The following UBA3 variants were observed in gnomAD, a reference collection of about 807,000 sequenced individuals.
The protein encoded by UBA3 is ubiquitin like modifier activating enzyme 3.
Under a neutral mutation model 73.5 loss-of-function variants are expected in UBA3, and 26 were observed. The ratio of observed to expected loss-of-function variants is 0.35; its 90% CI spans 0.26 to 0.49. The LOEUF (loss-of-function observed/expected upper bound fraction) is 0.49, where lower values mean the gene tolerates loss of function less well. Among genes scored for constraint, UBA3 ranks in the 20% least tolerant of loss-of-function variants. UBA3 has a pLI of 0.98. For missense variants in UBA3, 495 were observed against 555.6 expected, an observed-to-expected ratio of 0.89 and a Z score of 1.10; for synonymous variants, 217 against 191.2, an observed-to-expected ratio of 1.13 and a Z score of -1.11.
intron 6 of UBA3, among the ~76,000 whole-genome samples, chr3:69,065,984 G>T (rs899595438): frequency 7.9e-5 from 12 of 151,362 alleles, no homozygotes; most frequent in African/African-American, 2.9e-4. Flanking sequence ...TGAGTTTTTA[G>T]AGTTCATTAT....
intron 2 of UBA3, 114 bp downstream of exon 2, chr3:69,079,998 G>C (rs1047759102): frequency 1.9e-5 from 19 of 988,084 alleles, no homozygotes; most frequent in Non-Finnish European, 2.8e-5. Context: ...CGCGGCCTGC[G>C]CTCCGGGTGT....
intron 6 of UBA3, among the ~76,000 whole-genome samples, chr3:69,067,344 T>C (rs534584027): frequency 1.3e-5 from 2 of 152,214 alleles, no homozygotes; most frequent in Non-Finnish European, 2.9e-5. Flanking sequence ...AATGGCATTG[T>C]ATTTTACATT....
In UBA3 at chr3:69,063,507, C is replaced by CAAAA; in HGVS notation, c.473-8_473-5dup. ...CCACATACAATAATATGAAATTCTACAAAAAAAAAAAAAAGCAACTTTAGT... is the reference window on the plus strand; with the variant it reads ...CCACATACAATAATATGAAATTCTACAAAAAAAAAAAAAAAAAAGCAACTTTAGT... On this transcript the variant is annotated splice_region_variant and splice_polypyrimidine_tract_variant and intron_variant, in intron 7 of 17. Transcript: ENST00000361055. 6 of 1,145,064 alleles carry CAAAA rather than the reference C, an allele frequency of 5.2e-6. No homozygotes were observed. Among genetic ancestry groups the CAAAA allele is most frequent in the Admixed American group, 3.9e-5 (1 of 25,486 alleles). 70.9% of individuals were successfully genotyped at this position (1,145,064 alleles called of 1,614,324 possible). A position where few individuals can be genotyped will look rare whatever the true frequency, so the allele number is the denominator to read the frequency against.
intron 11 of UBA3, among the ~76,000 whole-genome samples, chr3:69,059,952 T>C (rs1009093123): frequency 1.3e-5 from 2 of 152,176 alleles, no homozygotes; most frequent in Admixed American, 6.5e-5. Context: ...AAAGATAGCA[T>C]ACCTAGGCTT....
At chr3:69,057,886 A>C (rs2091987347) in intron 11 of UBA3, among the ~76,000 whole-genome samples, 1 of 151,116 alleles carries the variant, frequency 6.6e-6, no homozygotes, top group South Asian at 2.1e-4. Flanking sequence ...GCTACACAAA[A>C]TATTAAATAC....
chr3:69,067,131 T>C (rs1300985586), intron 6 of UBA3, among the ~76,000 whole-genome samples: 1 of 152,234 alleles, frequency 6.6e-6, no homozygotes, highest in Non-Finnish European at 1.5e-5. Flanking sequence ...ATAGAAACTA[T>C]GGTATATATG....
chr3:69,072,456 C>A (rs1391390481), intron 4 of UBA3, among the ~76,000 whole-genome samples: 1 of 152,216 alleles, frequency 6.6e-6, no homozygotes, highest in Non-Finnish European at 1.5e-5. Flanking sequence ...TCACCAATAA[C>A]CTCCGTGTTG....
At chr3:69,067,857 T>A (rs985975424) in intron 6 of UBA3, 71 bp downstream of exon 6, 4 of 1,199,314 alleles carry the variant, frequency 3.3e-6, no homozygotes, top group Non-Finnish European at 2.4e-6. Flanking sequence ...GTATTCTCTG[T>A]TAAATATCTC....
chr3:69,069,523 C>T (rs1233493787), intron 5 of UBA3, among the ~76,000 whole-genome samples: 1 of 152,030 alleles, frequency 6.6e-6, no homozygotes, highest in African/African-American at 2.4e-5. Flanking sequence ...CACAGGGTTT[C>T]ACCGTGTTGG....
At chr3:69,079,814 G>C in intron 2 of UBA3, 3 of 417,522 alleles carry the variant, frequency 7.2e-6, no homozygotes, top group Non-Finnish European at 8.5e-6. Context: ...ATTTGGGATG[G>C]AGGAAGAGGA....
chr3:69,077,392 A>G (rs1223126453), intron 3 of UBA3: 1 of 155,642 alleles, frequency 6.4e-6, no homozygotes, highest in Non-Finnish European at 1.4e-5. Flanking sequence ...TAGTACTTAC[A>G]TAATTCTTAA....
At chr3:69,075,330 A>T in intron 4 of UBA3, 100 bp downstream of exon 4, 1 of 473,118 alleles carries the variant, frequency 2.1e-6, no homozygotes, top group Non-Finnish European at 3.3e-6. Flanking sequence ...TCAAGAGAAA[A>T]GGTTAAGAAT....
intron 5 of UBA3, among the ~76,000 whole-genome samples, chr3:69,070,697 G>A (rs1428708628): frequency 6.6e-6 from 1 of 152,166 alleles, no homozygotes; most frequent in Non-Finnish European, 1.5e-5. Context: ...CTGTTGCCCA[G>A]GCTGGAGTAC....
At chr3:69,066,435 G>GT (rs1225770263) in intron 6 of UBA3, among the ~76,000 whole-genome samples, 9 of 129,806 alleles carry the variant, frequency 6.9e-5, no homozygotes. Flanking sequence ...TCGTTTTATG[G>GT]TTTTTTGTGT....
intron 3 of UBA3, 30 bp downstream of exon 3, chr3:69,077,768 A>G (rs1006965409): frequency 1.3e-6 from 2 of 1,593,556 alleles, no homozygotes; most frequent in Non-Finnish European, 1.7e-6. Flanking sequence ...AAACTATTAG[A>G]GCAGTTATTT....
At chr3:69,075,025 G>C (rs946746178) in intron 4 of UBA3, 5 of 153,296 alleles carry the variant, frequency 3.3e-5, no homozygotes, top group African/African-American at 1.2e-4. Flanking sequence ...ATAAAATGGG[G>C]TAATGCCTTA....
rs1488328732 is a variant in UBA3 at position 69,062,986 on chromosome 3, G to A, written c.689C>T (p.Pro230Leu). ...TGCAGGTGCTTTTTTGATTACCTGT[G>A]GTGGATAAAGTTCCAGCGTGCATTC... ...CIECTLELYPPQVNFPMCTIA... is the reference protein window; with the variant it reads ...CIECTLELYPLQVNFPMCTIA... Residue 230 changes from proline to leucine, a missense_variant, in exon 9 of 18, where the codon CCA (proline) becomes CTA (leucine). Physicochemically the swap from Pro to Leu is moderately conservative, Grantham distance 98. Transcript: ENST00000361055. 1.2e-6 allele frequency: 2 copies of A among 1,613,710 alleles called. No individual in the cohort carries two copies. Among genetic ancestry groups the A allele is most frequent in the South Asian group, 1.1e-5 (1 of 91,008 alleles).
Position 69,077,724 on chromosome 3 carries a change from T to TA in UBA3, c.183+73dup, listed in dbSNP as rs1183413060. 1.2e-5 allele frequency: 17 copies of TA among 1,422,170 alleles called. No homozygotes were observed. The African/African-American group carries it at 1.7e-4, about 15-fold the overall frequency. The allele number at this position is 1,422,170 out of a possible 1,614,324, so 88.1% of individuals were successfully genotyped here. ...TAGTATTTTCATTGTAAGAGCAAAT[T>TA]AAAAAAGAAGCATTCTATTAGTTTT... On this transcript the variant is annotated intron_variant, in intron 3 of 17. Coordinates refer to ENST00000361055, the MANE Select transcript of UBA3 (RefSeq NM_003968.4).
At chr3:69,067,878 G>C (rs1559644690) in intron 6 of UBA3, 50 bp downstream of exon 6, 3 of 1,403,086 alleles carry the variant, frequency 2.1e-6, no homozygotes, top group East Asian at 4.7e-5. Flanking sequence ...TTATAATAAA[G>C]GAAAAAAGCT....
Sources: gnomAD v4.1 joint callset for allele counts (sites outside exome capture counted in the v4.1 genomes callset) on GRCh38, gnomAD v4.1.1 for gene constraint, MANE v1.5 for transcripts, NCBI Gene and HGNC (gene_info 2026-07-23, HGNC 2026-07-21) for gene names.